UNC13B: variants seen among roughly 807,000 people sequenced by gnomAD.
UNC13B encodes the protein protein unc-13 homolog B.
Under a neutral mutation model 211.0 loss-of-function variants are expected in UNC13B, and 144 were observed. That is an observed-to-expected ratio of 0.68 (90% CI 0.60 to 0.78). The LOEUF (loss-of-function observed/expected upper bound fraction) is 0.78. UNC13B is among the 30% of genes least tolerant of loss of function. The pLI is 0.00. For missense variants in UNC13B, 1,777 were observed against 2,002.0 expected (o/e 0.89, Z 2.14); for synonymous variants, 709 against 725.8 (o/e 0.98, Z 0.37).
intron 11 of UNC13B, among the ~76,000 whole-genome samples, chr9:35,359,956 A>G (rs1833295563): frequency 6.6e-6 from 1 of 152,206 alleles, no homozygotes. Context: ...AATGGACACC[A>G]GCATTCTTAT....
chr9:35,167,720 T>C (rs1479480014), intron 1 of UNC13B, among the ~76,000 whole-genome samples: 2 of 150,766 alleles, frequency 1.3e-5, no homozygotes, highest in African/African-American at 4.9e-5. Flanking sequence ...CTTGAGTAGC[T>C]GGGATTACAG....
chr9:35,340,572 A>T (rs1260536171), intron 11 of UNC13B, among the ~76,000 whole-genome samples: 2 of 152,198 alleles, frequency 1.3e-5, no homozygotes, highest in African/African-American at 4.8e-5. Context: ...TCTGTTGTGG[A>T]TTGCCATGAG....
chr9:35,194,730 G>A (rs1274767536), intron 1 of UNC13B, among the ~76,000 whole-genome samples: 2 of 152,178 alleles, frequency 1.3e-5, no homozygotes, highest in South Asian at 2.1e-4. Flanking sequence ...TTTGATGAGC[G>A]TTGTACCTTG....
intron 13 of UNC13B, among the ~76,000 whole-genome samples, chr9:35,371,469 C>T (rs1834120272): frequency 1.3e-5 from 2 of 152,026 alleles, no homozygotes; most frequent in African/African-American, 4.8e-5. Context: ...CGTGAGCCAC[C>T]ATGCCCGACT....
intron 12 of UNC13B, among the ~76,000 whole-genome samples, chr9:35,367,489 T>G (rs1288307836): frequency 6.6e-6 from 1 of 152,176 alleles, no homozygotes; most frequent in African/African-American, 2.4e-5. Flanking sequence ...CAAGCAGTTA[T>G]CCTTTCTTTT....
chr9:35,353,938 T>A, intron 11 of UNC13B: 1 of 505,972 alleles, frequency 2.0e-6, no homozygotes, highest in Non-Finnish European at 3.1e-6. Flanking sequence ...TGAATCAGGC[T>A]AAATTACTCA....
intron 11 of UNC13B, chr9:35,353,393 G>T: frequency 8.1e-7 from 1 of 1,232,314 alleles, no homozygotes; most frequent in Non-Finnish European, 1.0e-6. Context: ...TTCCCAGTCA[G>T]AGAACAGTGA....
chr9:35,165,193 T>TTTTTTG (rs1434281428), intron 1 of UNC13B, among the ~76,000 whole-genome samples: 1 of 152,170 alleles, frequency 6.6e-6, no homozygotes, highest in East Asian at 1.9e-4. Flanking sequence ...TTATGTCACC[T>TTTTTTG]TTTTTGTTGT....
At chr9:35,234,381 A>G (rs964196082) in intron 3 of UNC13B, among the ~76,000 whole-genome samples, 2 of 152,196 alleles carry the variant, frequency 1.3e-5, no homozygotes, top group African/African-American at 4.8e-5. Flanking sequence ...CAGCCTCCCA[A>G]CATACTGAGA....
intron 37 of UNC13B, chr9:35,401,846 G>A: frequency 1.9e-6 from 2 of 1,076,148 alleles, no homozygotes; most frequent in Non-Finnish European, 2.8e-6. Context: ...CTCAGAATAT[G>A]TGTAGAGCTG....
chr9:35,371,166 T>G (rs1834092685), intron 13 of UNC13B, among the ~76,000 whole-genome samples: 1 of 152,134 alleles, frequency 6.6e-6, no homozygotes, highest in African/African-American at 2.4e-5. Flanking sequence ...TTTCTCTCTA[T>G]TCTATCTATT....
At chr9:35,223,999 A>G (rs1355398161) in intron 1 of UNC13B, among the ~76,000 whole-genome samples, 1 of 152,050 alleles carries the variant, frequency 6.6e-6, no homozygotes, top group East Asian at 1.9e-4. Context: ...ATTCTATTCC[A>G]TTGGCTTGTG....
Position 35,304,221 on chromosome 9 carries a change from T to C in UNC13B, c.4817T>C (p.Ile1606Thr). ...EIFWYVEEEP[I>T]DDPLDLSLAL... The stretch of plus-strand genomic sequence containing the variant: ...TTTTGGTATGTTGAAGAGGAACCAA[T>C]TGATGACCCTCTTGATTTATCTTTA... Residue 1606 changes from isoleucine (I) to threonine (T), a missense_variant, in exon 9 of 40, where the codon ATT becomes ACT. Coordinates refer to ENST00000635942, the MANE Select transcript of UNC13B (RefSeq NM_001371189.2). The C allele has an allele frequency of 2.5e-6, 1 of 398,810 alleles. No homozygotes were observed. The highest frequency in any genetic ancestry group is 4.4e-5 in the Admixed American group (1 of 22,708). 24.7% of individuals were successfully genotyped at this position (398,810 alleles called of 1,614,324 possible).
At chr9:35,394,919 TA>T (rs1470308451) in intron 26 of UNC13B, among the ~76,000 whole-genome samples, 1 of 152,168 alleles carries the variant, frequency 6.6e-6, no homozygotes, top group Non-Finnish European at 1.5e-5. Context: ...GTGCAGATAA[TA>T]AATTGACAGA....
At chr9:35,230,316 C>A (rs967872192) in intron 2 of UNC13B, among the ~76,000 whole-genome samples, 6 of 151,812 alleles carry the variant, frequency 4.0e-5, no homozygotes, top group Non-Finnish European at 8.8e-5. Flanking sequence ...ACTAAAAATA[C>A]AAAAGTTAGC....
chr9:35,327,563 C>T lies in UNC13B; in HGVS notation c.9414+13574C>T, dbSNP rs1831087111. 2.0e-5 allele frequency among the ~76,000 whole-genome samples: 3 copies of T among 152,156 alleles called. No individual in the cohort carries two copies. The South Asian group carries it at 6.2e-4, about 32-fold the overall frequency. ...GCAAATTTATTCCACCTTCTTCCAC[C>T]TGCTTTGTTCTAGCTACACTGGCAG... On this transcript the variant is annotated intron_variant, in intron 11 of 39. Coordinates refer to ENST00000635942, the MANE Select transcript of UNC13B (RefSeq NM_001371189.2).
At chr9:35,254,205 G>A (rs1826680320) in intron 6 of UNC13B, among the ~76,000 whole-genome samples, 1 of 152,168 alleles carries the variant, frequency 6.6e-6, no homozygotes, top group Non-Finnish European at 1.5e-5. Context: ...GGTGAGAAGT[G>A]CTATAGGGGA....
At position 35,238,858 on chromosome 9, in the gene UNC13B, T is replaced by C. The variant is rs368554895; in HGVS notation, c.394+1032T>C. ...CAAGCGTGAGCCACCATGCCTGGCC[T>C]ACCATAATTTATTTAAGTAATCCTT... On this transcript the variant is annotated intron_variant, in intron 5 of 39. Transcript: ENST00000635942. Among the ~76,000 whole-genome samples, 17 of 151,876 alleles carry C rather than the reference T, an allele frequency of 1.1e-4. No individual in the cohort carries two copies. The East Asian group carries it at 3.1e-3, about 28-fold the overall frequency.
intron 7 of UNC13B, among the ~76,000 whole-genome samples, chr9:35,286,633 T>C (rs1187711750): frequency 1.3e-5 from 2 of 151,932 alleles, no homozygotes; most frequent in Admixed American, 6.6e-5. Flanking sequence ...GCTGAAGCAG[T>C]AGGATGACTC....
Sources: gnomAD v4.1 joint callset for allele counts (sites outside exome capture counted in the v4.1 genomes callset) on GRCh38, gnomAD v4.1.1 for gene constraint, MANE v1.5 for transcripts, NCBI Gene and HGNC (gene_info 2026-07-23, HGNC 2026-07-21) for gene names.